PARD3: variants seen among roughly 807,000 people sequenced by gnomAD.
PARD3 encodes par-3 family cell polarity regulator, also known as partitioning defective 3 homolog.
PARD3 carries 75 observed loss-of-function variants against 155.4 expected under a neutral mutation model. The observed-to-expected ratio is 0.48, with a 90% CI of 0.40 to 0.58. The LOEUF is 0.58. Among genes scored for constraint, PARD3 ranks in the 20% least tolerant of loss-of-function variants. The pLI is 0.00. For synonymous variants in PARD3, 576 were observed against 610.5 expected (o/e 0.94, Z 0.83); for missense variants, 1,642 against 1,721.7 (o/e 0.95, Z 0.82).
intron 3 of PARD3, among the ~76,000 whole-genome samples, chr10:34,492,894 T>C (rs2080012454): frequency 6.6e-6 from 1 of 152,362 alleles, no homozygotes; most frequent in African/African-American, 2.4e-5. Context: ...CAGGCAAATA[T>C]CGCTAAAGCG....
chr10:34,381,761 A>C (rs1024748987), intron 9 of PARD3, among the ~76,000 whole-genome samples: 1 of 151,862 alleles, frequency 6.6e-6, no homozygotes, highest in African/African-American at 2.4e-5. Context: ...GCAAGACTCC[A>C]ACACAACAAA....
chr10:34,119,834 T>G, intron 23 of PARD3, 94 bp from the exon 24 acceptor site: 1 of 1,096,952 alleles, frequency 9.1e-7, no homozygotes, highest in Non-Finnish European at 1.2e-6. Flanking sequence ...TGAATTGACT[T>G]TGAAAATTTT....
chr10:34,736,653 A>AATTTATTTATTT (rs71033344), intron 1 of PARD3, among the ~76,000 whole-genome samples: 1 of 146,350 alleles, frequency 6.8e-6, no homozygotes, highest in African/African-American at 2.6e-5. Flanking sequence ...TTAATTAATT[A>AATTTATTTATTT]ATTTATTTAT....
chr10:34,495,255 T>TC (rs1051719663), intron 3 of PARD3, among the ~76,000 whole-genome samples: 187 of 151,620 alleles, frequency 1.2e-3, no homozygotes, highest in African/African-American at 4.2e-3. Flanking sequence ...GACAAGCAGA[T>TC]CTGCCCATCA....
intron 2 of PARD3, among the ~76,000 whole-genome samples, chr10:34,554,882 A>G (rs182220630): frequency 1.8e-4 from 28 of 152,352 alleles, no homozygotes; most frequent in Non-Finnish European, 2.9e-4. Context: ...GAATACTAAA[A>G]TACTGAGATG....
In PARD3 at chr10:34,202,694, C is replaced by T. The variant is rs575249941; in HGVS notation, c.3419+66963G>A. Among the ~76,000 whole-genome samples the T allele has an allele frequency of 6.0e-4, 91 of 152,316 alleles. 1 individual carries two copies. In the South Asian group the frequency reaches 0.018, roughly 31 times the overall value. On this transcript the variant is annotated intron_variant, in intron 22 of 24. Coordinates refer to ENST00000374788, the MANE Select transcript of PARD3 (RefSeq NM_001184785.2). ...TGCAAAGGGTGGCATTTCTTATATG[C>T]ATCAATATAGCCAAATTACATTCTA...
At chr10:34,171,545 C>T (rs1399272051) in intron 22 of PARD3, among the ~76,000 whole-genome samples, 1 of 152,084 alleles carries the variant, frequency 6.6e-6, no homozygotes, top group East Asian at 1.9e-4. Context: ...TCTGTGCGTC[C>T]ACTGTTTCAA....
intron 2 of PARD3, among the ~76,000 whole-genome samples, chr10:34,562,180 T>C (rs2085544491): frequency 8.0e-6 from 1 of 124,598 alleles, no homozygotes; most frequent in Non-Finnish European, 1.6e-5. Context: ...CTCATGCCTA[T>C]AATCCCGGCA....
chr10:34,632,878 C>T (rs151059235), intron 2 of PARD3, among the ~76,000 whole-genome samples: 3 of 152,212 alleles, frequency 2.0e-5, no homozygotes, highest in East Asian at 1.9e-4. Context: ...CTTTACTTCC[C>T]GTTGGCTTAA....
At chr10:34,334,538 G>C (rs1194893354) in intron 18 of PARD3, among the ~76,000 whole-genome samples, 1 of 150,480 alleles carries the variant, frequency 6.6e-6, no homozygotes, top group Non-Finnish European at 1.5e-5. Context: ...CTCAAGTCAA[G>C]TGAAGTGACG....
intron 22 of PARD3, among the ~76,000 whole-genome samples, chr10:34,250,152 C>CG (rs1954213488): frequency 6.6e-6 from 1 of 150,500 alleles, no homozygotes; most frequent in African/African-American, 2.5e-5. Flanking sequence ...AACTGCTCCC[C>CG]CTCCACACAC....
chr10:34,345,598 T>C lies in PARD3; in HGVS notation c.2218+2367A>G, dbSNP rs1045354617. ...ATACTGTGCAAATCAATAAACACTG[T>C]TGTTATTGGTTTAGGCGAATGGAAA... On this transcript the variant is annotated intron_variant, in intron 15 of 24. Coordinates refer to ENST00000374788, the MANE Select transcript of PARD3 (RefSeq NM_001184785.2). The C allele has an allele frequency of 6.2e-5, 61 of 985,144 alleles. No homozygotes were observed. The African/African-American group carries it at 6.6e-4, about 11-fold the overall frequency. The allele number at this position is 985,144 out of a possible 1,614,324, so 61.0% of individuals were successfully genotyped here.
At chr10:34,701,459 C>A (rs373976328) in intron 1 of PARD3, among the ~76,000 whole-genome samples, 7 of 151,890 alleles carry the variant, frequency 4.6e-5, no homozygotes, top group East Asian at 3.9e-4. Flanking sequence ...GCAGATGGCC[C>A]AGAGGCGACA....
chr10:34,394,681 T>C (rs1843155599), intron 7 of PARD3, among the ~76,000 whole-genome samples: 1 of 152,224 alleles, frequency 6.6e-6, no homozygotes, highest in Admixed American at 6.5e-5. Context: ...GCACACAATT[T>C]TATATGTTGC....
At chr10:34,748,365 GA>G (rs1479817638) in intron 1 of PARD3, among the ~76,000 whole-genome samples, 1 of 152,186 alleles carries the variant, frequency 6.6e-6, no homozygotes, top group Non-Finnish European at 1.5e-5. Context: ...AGCTACTCGG[GA>G]GGCTGAGGCA....
chr10:34,223,112 G>A (rs1423492024), intron 22 of PARD3, among the ~76,000 whole-genome samples: 3 of 152,110 alleles, frequency 2.0e-5, no homozygotes, highest in African/African-American at 4.8e-5. Flanking sequence ...GTGTGGGGTC[G>A]GAGAGCAGAG....
intron 7 of PARD3, among the ~76,000 whole-genome samples, chr10:34,391,735 T>G (rs1842888420): frequency 6.6e-6 from 1 of 152,280 alleles, no homozygotes; most frequent in Non-Finnish European, 1.5e-5. Context: ...GCATATAGAT[T>G]ATTTTAACCA....
intron 2 of PARD3, among the ~76,000 whole-genome samples, chr10:34,654,069 C>T (rs990556741): frequency 9.2e-5 from 14 of 151,696 alleles, no homozygotes; most frequent in Admixed American, 8.5e-4. Flanking sequence ...TTATTAATTG[C>T]TTGAATATTA....
intron 22 of PARD3, among the ~76,000 whole-genome samples, chr10:34,243,826 G>A (rs1000331282): frequency 2.6e-5 from 4 of 152,048 alleles, no homozygotes; most frequent in African/African-American, 9.7e-5. Context: ...ATATATATAT[G>A]TATATAGTCA....
Sources: gnomAD v4.1 joint callset for allele counts (sites outside exome capture counted in the v4.1 genomes callset) on GRCh38, gnomAD v4.1.1 for gene constraint, MANE v1.5 for transcripts, NCBI Gene and HGNC (gene_info 2026-07-23, HGNC 2026-07-21) for gene names.